ARMC3: variants seen among roughly 807,000 people sequenced by gnomAD.
ARMC3 encodes armadillo repeat-containing protein 3.
A neutral mutation model predicts 90.3 loss-of-function variants in ARMC3; 74 were observed. The ratio of observed to expected loss-of-function variants is 0.82; its 90% CI spans 0.68 to 0.99. The LOEUF (loss-of-function observed/expected upper bound fraction) is 0.99. Ranked by LOEUF, ARMC3 falls within the 50% of genes least tolerant of loss-of-function variation. The pLI is 0.00. For synonymous variants in ARMC3, 334 were observed against 361.8 expected (o/e 0.92, Z 0.87); for missense variants, 958 against 1,042.8 (o/e 0.92, Z 1.12).
At chr10:22,981,284 T>C (rs1035220101) in intron 8 of ARMC3, 56 bp from the exon 9 acceptor site, 73 of 1,466,536 alleles carry the variant, frequency 5.0e-5, no homozygotes, top group Non-Finnish European at 6.0e-5. Flanking sequence ...AAAGTAGTAA[T>C]ACTTCGCAGT....
chr10:23,016,719 G>T (rs1336074587), intron 16 of ARMC3, among the ~76,000 whole-genome samples: 3 of 152,198 alleles, frequency 2.0e-5, no homozygotes, highest in Non-Finnish European at 4.4e-5. Context: ...AGAAACTACA[G>T]TTCAGGAGTT....
intron 8 of ARMC3, among the ~76,000 whole-genome samples, chr10:22,969,468 C>T (rs1201891265): frequency 6.6e-6 from 1 of 152,110 alleles, no homozygotes; most frequent in Non-Finnish European, 1.5e-5. Flanking sequence ...CTATGGGAAA[C>T]ACTCCATTTT....
Position 23,037,357 on chromosome 10 carries a change from T to C in ARMC3, c.2497T>C (p.Ser833Pro). ...GAATGAAGTCATGCTGCAGAATGAC[T>C]CTCGGAAGGGAGTGATTGGGGGCCT... ...AWNEVMLQNDSRKGVIGGLPA... is the reference protein window; with the variant it reads ...AWNEVMLQNDPRKGVIGGLPA... The change falls in exon 19 of 19, where the codon TCT becomes CCT. Residue 833 changes from serine (S) to proline (P), a missense_variant. By Grantham distance (74) the Ser-to-Pro change is moderately conservative. Transcript: ENST00000298032. The C allele has an allele frequency of 1.2e-6, 2 of 1,613,980 alleles. No homozygotes were observed. Among genetic ancestry groups the C allele is most frequent in the Non-Finnish European group, 1.7e-6 (2 of 1,179,924 alleles).
intron 6 of ARMC3, chr10:22,961,135 G>A (rs1835173493): frequency 6.6e-6 from 1 of 152,200 alleles, no homozygotes. Flanking sequence ...TCTAAAGGAA[G>A]CTGAATATTA....
intron 2 of ARMC3, among the ~76,000 whole-genome samples, chr10:22,932,634 T>G (rs1304334776): frequency 2.0e-5 from 3 of 152,214 alleles, no homozygotes; most frequent in Admixed American, 6.5e-5. Flanking sequence ...GTGTTAAAAG[T>G]GAAAAATGAC....
Position 23,018,101 on chromosome 10 carries a change from A to G in ARMC3, c.2045+9170A>G, listed in dbSNP as rs76644765. On this transcript the variant is annotated intron_variant, in intron 16 of 18. Coordinates refer to ENST00000298032, the MANE Select transcript of ARMC3 (RefSeq NM_173081.5). ...ATCACTGGTTAATTGACAAAATTCTACTGGTAAAATGGAAAGGAACTAGCA... is the reference window on the plus strand; with the variant it reads ...ATCACTGGTTAATTGACAAAATTCTGCTGGTAAAATGGAAAGGAACTAGCA... Among the ~76,000 whole-genome samples, 1,124 of 152,356 alleles carry G rather than the reference A, an allele frequency of 7.4e-3. 9 individuals carry two copies. Among genetic ancestry groups the G allele is most frequent in the African/African-American group, 0.026 (1,081 of 41,576 alleles).
At chr10:22,967,952 T>G (rs1481315432) in intron 7 of ARMC3, among the ~76,000 whole-genome samples, 2 of 152,244 alleles carry the variant, frequency 1.3e-5, no homozygotes, top group East Asian at 3.8e-4. Context: ...AAAGTATATA[T>G]TTTCATCAGC....
At chr10:22,976,361 G>A (rs1835920786) in intron 8 of ARMC3, among the ~76,000 whole-genome samples, 1 of 152,096 alleles carries the variant, frequency 6.6e-6, no homozygotes, top group South Asian at 2.1e-4. Context: ...TGCCAAAATA[G>A]TCCTTGTACA....
chr10:23,005,075 T>C lies in ARMC3; in HGVS notation c.1731+1661T>C, dbSNP rs540043102. Among the ~76,000 whole-genome samples the C allele has an allele frequency of 4.6e-5, 7 of 150,898 alleles. No individual in the cohort carries two copies. The East Asian group carries it at 1.4e-3, about 29-fold the overall frequency. ...AAATATACAAAAAATTAGCCGGGCG[T>C]GGTGGCGGGTGCCTGTAGTCCCAGC... is the stretch of plus-strand genomic sequence containing the variant. On this transcript the variant is annotated intron_variant, in intron 13 of 18. Coordinates refer to ENST00000298032, the MANE Select transcript of ARMC3 (RefSeq NM_173081.5).
At chr10:22,931,482 A>C (rs1833929057) in intron 1 of ARMC3, among the ~76,000 whole-genome samples, 2 of 152,190 alleles carry the variant, frequency 1.3e-5, no homozygotes, top group African/African-American at 4.8e-5. Context: ...GATTTTGTAT[A>C]CCATTTATGA....
chr10:22,951,363 A>C (rs1275525402), intron 3 of ARMC3, among the ~76,000 whole-genome samples: 1 of 152,246 alleles, frequency 6.6e-6, no homozygotes, highest in Non-Finnish European at 1.5e-5. Flanking sequence ...TAAATAAAAG[A>C]ACAAGTGACA....
chr10:23,025,262 T>C (rs149650594), intron 16 of ARMC3, among the ~76,000 whole-genome samples: 181 of 152,146 alleles, frequency 1.2e-3, no homozygotes, highest in African/African-American at 4.2e-3. Flanking sequence ...CAAGATCTCA[T>C]TGACATATGT....
chr10:22,946,194 G>C lies in ARMC3; in HGVS notation c.99G>C (p.Met33Ile), dbSNP rs750373852. 1 of 1,613,292 alleles carries C rather than the reference G, an allele frequency of 6.2e-7. No individual in the cohort carries two copies. Among genetic ancestry groups the C allele is most frequent in the Non-Finnish European group, 8.5e-7 (1 of 1,179,698 alleles). ...AAAAAGCAGCAACTGTGGTGTTAAT[G>C]CTTAATTCTCCAGAAGAGGAAATTT... ...ESKKAATVVL[M>I]LNSPEEEILA... The change falls in exon 3 of 19, where the codon ATG becomes ATC. Residue 33 changes from methionine to isoleucine, a missense_variant. Coordinates refer to ENST00000298032, the MANE Select transcript of ARMC3 (RefSeq NM_173081.5).
intron 16 of ARMC3, among the ~76,000 whole-genome samples, chr10:23,011,965 A>G (rs1838033130): frequency 6.6e-6 from 1 of 152,184 alleles, no homozygotes; most frequent in Admixed American, 6.5e-5. Context: ...AGGCCACTTG[A>G]CTGATGAGCA....
At chr10:22,937,779 A>AGG (rs1834169134) in intron 2 of ARMC3, among the ~76,000 whole-genome samples, 1 of 152,222 alleles carries the variant, frequency 6.6e-6, no homozygotes, top group African/African-American at 2.4e-5. Flanking sequence ...AAAAGTTTCC[A>AGG]GGGGCACTTT....
chr10:22,954,682 AAAAAAAG>A (rs1481461877), intron 3 of ARMC3, among the ~76,000 whole-genome samples: 12 of 151,750 alleles, frequency 7.9e-5, no homozygotes, highest in South Asian at 4.1e-4. Context: ...AAGAAAAAAA[AAAAAAAG>A]AAAAAAGAAA....
chr10:22,998,574 G>A (rs533936212), intron 11 of ARMC3, among the ~76,000 whole-genome samples, 177 bp downstream of exon 11: 7 of 152,342 alleles, frequency 4.6e-5, no homozygotes, highest in Admixed American at 2.6e-4. Flanking sequence ...AGCAAAGAAG[G>A]TGAGCATGCC....
intron 4 of ARMC3, 26 bp downstream of exon 4, chr10:22,955,958 C>A: frequency 1.3e-6 from 2 of 1,540,802 alleles, no homozygotes; most frequent in South Asian, 2.3e-5. Context: ...TAAAAATAAT[C>A]AAATAATCCC....
intron 8 of ARMC3, among the ~76,000 whole-genome samples, chr10:22,979,536 T>A (rs1395241311): frequency 6.6e-6 from 1 of 152,182 alleles, no homozygotes; most frequent in Non-Finnish European, 1.5e-5. Context: ...AAGTTCGTTT[T>A]TTCAAATTAA....
Sources: allele counts gnomAD v4.1 joint callset (sites outside exome capture counted in the v4.1 genomes callset), GRCh38; gene constraint gnomAD v4.1.1; transcripts MANE v1.5; gene names NCBI Gene and HGNC (gene_info 2026-07-23, HGNC 2026-07-21).